EXOC6B: variants seen among roughly 807,000 people sequenced by gnomAD.
EXOC6B encodes the protein exocyst complex component 6B.
In EXOC6B, 54 loss-of-function variants were observed where a neutral mutation model predicts 113.5. The observed-to-expected ratio is 0.48, with a 90% CI of 0.38 to 0.60. The LOEUF (loss-of-function observed/expected upper bound fraction) is 0.60. Among genes scored for constraint, EXOC6B ranks in the 20% least tolerant of loss-of-function variants. The pLI, the probability that EXOC6B is intolerant of heterozygous loss-of-function variation, is 0.00. For synonymous variants in EXOC6B, 357 were observed against 339.0 expected, an observed-to-expected ratio of 1.05 and a Z score of -0.58; for missense variants, 797 against 977.5, an observed-to-expected ratio of 0.82 and a Z score of 2.46.
rs1483643097 is a variant in EXOC6B at position 72,696,504 on chromosome 2, C to A, written c.669+21599G>T. On this transcript the variant is annotated intron_variant, in intron 6 of 21. Transcript: ENST00000272427. Reference sequence around the variant, plus strand: ...TTTCATCAAGAGATTAGAGCCATTTCTCCATGTTCTTGACTCTAAATTGGC... The same window carrying A: ...TTTCATCAAGAGATTAGAGCCATTTATCCATGTTCTTGACTCTAAATTGGC... Among the ~76,000 whole-genome samples, 3 of 152,202 alleles carry A rather than the reference C, an allele frequency of 2.0e-5. 1 individual carries two copies. Among genetic ancestry groups the A allele is most frequent in the Non-Finnish European group, 4.4e-5 (3 of 68,038 alleles).
At chr2:72,711,827 G>C (rs143442876) in intron 6 of EXOC6B, among the ~76,000 whole-genome samples, 1 of 152,120 alleles carries the variant, frequency 6.6e-6, no homozygotes, top group Non-Finnish European at 1.5e-5. Context: ...GCATGGATAC[G>C]CTGGACCAAG....
At chr2:72,709,519 T>C (rs910984097) in intron 6 of EXOC6B, among the ~76,000 whole-genome samples, 1 of 152,082 alleles carries the variant, frequency 6.6e-6, no homozygotes, top group Non-Finnish European at 1.5e-5. Context: ...GTAAACTCAA[T>C]TGTTCATATC....
chr2:72,681,973 A>G (rs1676736522), intron 6 of EXOC6B, among the ~76,000 whole-genome samples: 1 of 149,818 alleles, frequency 6.7e-6, no homozygotes, highest in African/African-American at 2.5e-5. Context: ...ATTTTAGTTC[A>G]TAAAGTTATT....
intron 6 of EXOC6B, among the ~76,000 whole-genome samples, chr2:72,706,148 G>T (rs965608098): frequency 6.6e-6 from 1 of 152,086 alleles, no homozygotes; most frequent in Non-Finnish European, 1.5e-5. Context: ...ATCCCTTCTG[G>T]ATAATTCTTT....
chr2:72,559,994 CG>C (rs1223456207), intron 7 of EXOC6B, among the ~76,000 whole-genome samples: 1 of 152,036 alleles, frequency 6.6e-6, no homozygotes, highest in Non-Finnish European at 1.5e-5. Flanking sequence ...CACAAGAATT[CG>C]TCAATACTTA....
chr2:72,581,009 T>C (rs1374222123), intron 6 of EXOC6B, among the ~76,000 whole-genome samples: 1 of 152,180 alleles, frequency 6.6e-6, no homozygotes, highest in East Asian at 1.9e-4. Context: ...GATCATACAA[T>C]TGAATAAACC....
intron 19 of EXOC6B, among the ~76,000 whole-genome samples, chr2:72,363,001 A>C (rs1363521302): frequency 2.0e-5 from 3 of 152,134 alleles, no homozygotes; most frequent in East Asian, 1.9e-4. Context: ...TTCCTAGTGC[A>C]TGAGGGATAC....
At chr2:72,495,096 G>A (rs564247924) in intron 15 of EXOC6B, among the ~76,000 whole-genome samples, 3 of 151,978 alleles carry the variant, frequency 2.0e-5, no homozygotes, top group Admixed American at 6.6e-5. Flanking sequence ...GGATTCAAGC[G>A]ATCCTCCTGC....
rs186232911 is a variant in EXOC6B at position 72,610,777 on chromosome 2, C to T, written c.670-35109G>A. On this transcript the variant is annotated intron_variant, in intron 6 of 21. Coordinates refer to ENST00000272427, the MANE Select transcript of EXOC6B (RefSeq NM_015189.3). ...ATTTAATACCCTCCACCACCATGCC[C>T]CATGCCACCACCTTAAGCATGGGCT... 2.6e-3 allele frequency among the ~76,000 whole-genome samples: 400 copies of T among 152,174 alleles called. 1 individual carries two copies. The highest frequency in any genetic ancestry group is 4.6e-3 in the Non-Finnish European group (314 of 67,998).
intron 12 of EXOC6B, among the ~76,000 whole-genome samples, chr2:72,499,495 T>G (rs909878207): frequency 6.6e-6 from 1 of 151,690 alleles, no homozygotes; most frequent in African/African-American, 2.4e-5. Context: ...CCTCCCAAAG[T>G]GCTGAAATAA....
At chr2:72,627,717 CT>C (rs1302526286) in intron 6 of EXOC6B, among the ~76,000 whole-genome samples, 5 of 152,230 alleles carry the variant, frequency 3.3e-5, no homozygotes, top group African/African-American at 7.2e-5. Flanking sequence ...AGAAGATGAT[CT>C]GTGTGTCCCT....
At chr2:72,369,807 G>C (rs142569310) in intron 19 of EXOC6B, among the ~76,000 whole-genome samples, 2 of 151,988 alleles carry the variant, frequency 1.3e-5, no homozygotes, top group Admixed American at 6.6e-5. Flanking sequence ...CTGGCTAGCC[G>C]TATGTAGAAA....
At chr2:72,725,632 T>TA (rs1680253058) in intron 5 of EXOC6B, among the ~76,000 whole-genome samples, 1 of 152,162 alleles carries the variant, frequency 6.6e-6, no homozygotes, top group Non-Finnish European at 1.5e-5. Context: ...GCTCAAGCAA[T>TA]CTGCCCACCT....
intron 8 of EXOC6B, among the ~76,000 whole-genome samples, chr2:72,543,314 A>C (rs980075944): frequency 6.6e-6 from 1 of 152,224 alleles, no homozygotes; most frequent in African/African-American, 2.4e-5. Context: ...ATAAGGTTAA[A>C]ATTGTATTTA....
intron 7 of EXOC6B, among the ~76,000 whole-genome samples, chr2:72,562,056 C>T (rs1208048799): frequency 2.6e-5 from 4 of 152,142 alleles, no homozygotes; most frequent in African/African-American, 9.7e-5. Context: ...ATGCTCCCCT[C>T]TGTGAAGAAC....
At chr2:72,638,106 T>G (rs555388312) in intron 6 of EXOC6B, among the ~76,000 whole-genome samples, 2 of 152,096 alleles carry the variant, frequency 1.3e-5, no homozygotes, top group Admixed American at 1.3e-4. Flanking sequence ...TCAACAAATC[T>G]TTAGCCTGAC....
intron 6 of EXOC6B, among the ~76,000 whole-genome samples, chr2:72,633,169 A>T (rs542549488): frequency 6.6e-6 from 1 of 152,366 alleles, no homozygotes; most frequent in Non-Finnish European, 1.5e-5. Flanking sequence ...TAAGCAAGTT[A>T]ACAAAAAGTA....
chr2:72,348,984 C>T (rs961161153), intron 19 of EXOC6B, among the ~76,000 whole-genome samples: 2 of 152,060 alleles, frequency 1.3e-5, no homozygotes, highest in African/African-American at 4.8e-5. Flanking sequence ...TATGGTCTTA[C>T]AATCTGCTAG....
rs547445074 is a variant in EXOC6B at position 72,407,042 on chromosome 2, G to A, written c.1981-27172C>T. On this transcript the variant is annotated intron_variant, in intron 18 of 21. Coordinates refer to ENST00000272427, the MANE Select transcript of EXOC6B (RefSeq NM_015189.3). ...AAATGATAAAGGGGATATCACCACCGATCCCACAGAAATACAAACTACCAT... is the reference window on the plus strand; with the variant it reads ...AAATGATAAAGGGGATATCACCACCAATCCCACAGAAATACAAACTACCAT... 4.9e-3 allele frequency among the ~76,000 whole-genome samples: 749 copies of A among 152,186 alleles called. 10 individuals are homozygous for A. The highest frequency in any genetic ancestry group is 0.017 in the African/African-American group (691 of 41,514).
Sources: allele counts gnomAD v4.1 joint callset (sites outside exome capture counted in the v4.1 genomes callset), GRCh38; gene constraint gnomAD v4.1.1; transcripts MANE v1.5; gene names NCBI Gene and HGNC (gene_info 2026-07-23, HGNC 2026-07-21).